DNAH8: variants seen among roughly 807,000 people sequenced by gnomAD.
DNAH8 encodes dynein axonemal heavy chain 8.
Under a neutral mutation model 562.1 loss-of-function variants are expected in DNAH8, and 382 were observed. That is an observed-to-expected ratio of 0.68 (90% confidence interval 0.63 to 0.74). The LOEUF (loss-of-function observed/expected upper bound fraction) is 0.74. Among genes scored for constraint, DNAH8 ranks in the 30% least tolerant of loss-of-function variants. DNAH8 has a pLI of 0.00. For missense variants in DNAH8, 5,203 were observed against 5,620.4 expected (o/e 0.93, Z 2.37); for synonymous variants, 1,881 against 1,919.4 (o/e 0.98, Z 0.52).
At chr6:38,876,215 G>T (rs1368234735) in intron 53 of DNAH8, among the ~76,000 whole-genome samples, 4 of 152,192 alleles carry the variant, frequency 2.6e-5, no homozygotes, top group African/African-American at 9.7e-5. Context: ...GGGAATGCCA[G>T]AATGAGTAGA....
chr6:39,027,846 T>A (rs1287369578), intron 92 of DNAH8, among the ~76,000 whole-genome samples: 1 of 151,972 alleles, frequency 6.6e-6, no homozygotes, highest in Non-Finnish European at 1.5e-5. Context: ...ATAAATAAAA[T>A]TTTAAAAAAG....
chr6:38,929,789 TAGC>T, intron 75 of DNAH8, 123 bp downstream of exon 75: 1 of 878,374 alleles, frequency 1.1e-6, no homozygotes, highest in Non-Finnish European at 1.6e-6. Context: ...TTATTGAGCA[TAGC>T]AGCAAATGCA....
At chr6:39,005,888 C>T (rs1224035460) in intron 88 of DNAH8, among the ~76,000 whole-genome samples, 5 of 152,278 alleles carry the variant, frequency 3.3e-5, no homozygotes, top group African/African-American at 9.6e-5. Flanking sequence ...TGGTTTTCTA[C>T]GGTTTTACTG....
chr6:38,883,783 T>C, intron 55 of DNAH8, 93 bp from the exon 56 acceptor site: 1 of 1,062,138 alleles, frequency 9.4e-7, no homozygotes, highest in South Asian at 2.6e-5. Flanking sequence ...AATGCGTAAG[T>C]AAATTATATT....
At chr6:38,762,876 C>G (rs1766655517) in intron 11 of DNAH8, 3 of 255,248 alleles carry the variant, frequency 1.2e-5, no homozygotes, top group African/African-American at 7.0e-5. Flanking sequence ...TGCTATCACC[C>G]TTGCTCTGAC....
At chr6:38,968,353 A>G (rs1448063580) in intron 82 of DNAH8, among the ~76,000 whole-genome samples, 6 of 152,188 alleles carry the variant, frequency 3.9e-5, no homozygotes, top group African/African-American at 1.4e-4. Context: ...AGGACAACCT[A>G]TAAAATAGGA....
At chr6:38,971,497 A>G (rs565465562) in intron 82 of DNAH8, 95 bp from the exon 83 acceptor site, 2 of 693,994 alleles carry the variant, frequency 2.9e-6, no homozygotes, top group South Asian at 7.8e-5. Flanking sequence ...TAGAAACAAT[A>G]GAAGGAGGCT....
chr6:38,931,980 T>C lies in DNAH8; in HGVS notation c.11444T>C (p.Leu3815Pro), dbSNP rs371025541. 6.3e-7 allele frequency: 1 copy of C among 1,591,630 alleles called. No individual in the cohort carries two copies. The highest frequency in any genetic ancestry group is 8.5e-7 in the Non-Finnish European group (1 of 1,170,334). ...LENQLLRRVI[L>P]TEKQELEAER... ...AATCAGTTACTAAGGAGAGTCATTC[T>C]AACAGAGAAACAGGTAATCTCTCTC... The change falls in exon 76 of 93, where the codon CTA (leucine) becomes CCA (proline). Residue 3815 changes from leucine (L) to proline (P), a missense_variant. Coordinates refer to ENST00000327475, the MANE Select transcript of DNAH8 (RefSeq NM_001206927.2).
intron 88 of DNAH8, among the ~76,000 whole-genome samples, chr6:38,996,532 A>G (rs1765142201): frequency 6.6e-6 from 1 of 152,168 alleles, no homozygotes; most frequent in African/African-American, 2.4e-5. Flanking sequence ...TTAGAATAAA[A>G]GACAAGCTCT....
intron 8 of DNAH8, among the ~76,000 whole-genome samples, chr6:38,749,956 C>T (rs1343567451): frequency 6.6e-6 from 1 of 152,220 alleles, no homozygotes; most frequent in Non-Finnish European, 1.5e-5. Flanking sequence ...CCTCAGCCTC[C>T]TGAGTAGCTG....
intron 11 of DNAH8, among the ~76,000 whole-genome samples, chr6:38,769,023 G>A (rs1767300458): frequency 6.6e-6 from 1 of 152,134 alleles, no homozygotes; most frequent in African/African-American, 2.4e-5. Context: ...AAGATTACTA[G>A]CCATTTACTG....
At chr6:38,789,665 A>G (rs1283460904) in intron 18 of DNAH8, 138 bp from the exon 19 acceptor site, 6 of 594,508 alleles carry the variant, frequency 1.0e-5, no homozygotes, top group Non-Finnish European at 1.8e-5. Flanking sequence ...GTAAATCAGC[A>G]TAAGTTTAAA....
intron 88 of DNAH8, among the ~76,000 whole-genome samples, chr6:39,005,155 T>C (rs1455519226): frequency 6.6e-6 from 1 of 152,190 alleles, no homozygotes. Flanking sequence ...CTCATGCCTG[T>C]AATCCCAGCA....
At chr6:39,014,692 G>A (rs905491759) in intron 91 of DNAH8, among the ~76,000 whole-genome samples, 1 of 152,152 alleles carries the variant, frequency 6.6e-6, no homozygotes, top group African/African-American at 2.4e-5. Context: ...AAAAAGAGCG[G>A]GTGCTTTCCA....
chr6:38,814,459 T>C lies in DNAH8; in HGVS notation c.3333+330T>C, dbSNP rs138080796. The stretch of plus-strand genomic sequence containing the variant: ...AGCCAGTTGTGGTGGTAGGTGCCTG[T>C]AGTCCCAGCTACTTGGGAGGCTGAG... On this transcript the variant is annotated intron_variant, in intron 25 of 92. Transcript: ENST00000327475. Among the ~76,000 whole-genome samples the C allele has an allele frequency of 5.7e-3, 862 of 152,220 alleles. 11 individuals are homozygous for C. The highest frequency in any genetic ancestry group is 6.7e-3 in the Admixed American group (103 of 15,288).
rs780580637 is a variant in DNAH8 at position 38,737,258 on chromosome 6, T to C, written c.952+2T>C. The C allele has an allele frequency of 7.0e-7, 1 of 1,426,728 alleles. No individual in the cohort carries two copies. The highest frequency in any genetic ancestry group is 9.2e-7 in the Non-Finnish European group (1 of 1,081,392). The allele number at this position is 1,426,728 out of a possible 1,614,324, so 88.4% of individuals were successfully genotyped here. ...ACAGATATCTTTCATTTTTAGATGG[T>C]AAGTATAAAATTTAATGTTTAGCAA... On this transcript the variant is annotated splice_donor_variant, in intron 6 of 92. Coordinates refer to ENST00000327475, the MANE Select transcript of DNAH8 (RefSeq NM_001206927.2). LOFTEE classifies it high-confidence loss of function.
rs1040338006 is a variant in DNAH8, at chr6:38,750,581, C to G, written c.1399C>G (p.His467Asp). ...LEKVCQPLYN[H>D]DLVSMAHGIQ... The stretch of plus-strand genomic sequence containing the variant: ...AAAAGTGTGTCAACCTCTCTATAAC[C>G]ATGACCTAGTAAGTATGCTTTTAAA... The change falls in exon 9 of 93, where the codon CAT becomes GAT. Residue 467 changes from histidine (H) to aspartate (D), a missense_variant. His to Asp is a moderately conservative substitution (Grantham distance 81). Around this residue, in one of 6 missense-constraint regions of DNAH8, gnomAD observed 2,176 missense variants for 2,365.1 expected, o/e 0.92. Transcript: ENST00000327475. 6.3e-7 allele frequency: 1 copy of G among 1,581,936 alleles called. No individual in the cohort carries two copies. The highest frequency in any genetic ancestry group is 1.3e-5 in the African/African-American group (1 of 74,098).
intron 89 of DNAH8, among the ~76,000 whole-genome samples, chr6:39,009,522 A>G (rs1316434656): frequency 6.6e-6 from 1 of 152,166 alleles, no homozygotes; most frequent in Non-Finnish European, 1.5e-5. Context: ...TCTTCTAAGA[A>G]CCACACTTAT....
At chr6:38,955,848 C>A (rs1028565769) in intron 82 of DNAH8, among the ~76,000 whole-genome samples, 1 of 152,102 alleles carries the variant, frequency 6.6e-6, no homozygotes, top group African/African-American at 2.4e-5. Context: ...AATCCAAGAC[C>A]TAGGAGGGTT....
Sources: allele counts gnomAD v4.1 joint callset (sites outside exome capture counted in the v4.1 genomes callset), GRCh38; gene constraint gnomAD v4.1.1; regional missense constraint gnomAD v4.1.1; transcripts MANE v1.5; gene names NCBI Gene and HGNC (gene_info 2026-07-23, HGNC 2026-07-21).